COL18A1: variants seen among roughly 807,000 people sequenced by gnomAD.
The protein encoded by COL18A1 is collagen alpha-1(XVIII) chain.
In COL18A1, 133 loss-of-function variants were observed where a neutral mutation model predicts 168.0. That is an observed-to-expected ratio of 0.79 (90% CI 0.69 to 0.91). COL18A1 has a LOEUF of 0.91. Among genes scored for constraint, COL18A1 ranks in the 40% least tolerant of loss-of-function variants. The pLI is 0.00. For synonymous variants in COL18A1, 949 were observed against 809.0 expected, an observed-to-expected ratio of 1.17 and a Z score of -2.94; for missense variants, 2,126 against 1,925.4, an observed-to-expected ratio of 1.10 and a Z score of -1.95.
At chr21:45,479,542 C>T (rs1051704256) in intron 9 of COL18A1, among the ~76,000 whole-genome samples, 4 of 150,544 alleles carry the variant, frequency 2.7e-5, no homozygotes, top group Non-Finnish European at 4.4e-5. Context: ...CACACTCACA[C>T]ATCACACATA....
Position 45,490,630 on chromosome 21 carries a change from A to G in COL18A1, c.2032-206A>G, listed in dbSNP as rs1406228562. Reference sequence around the variant, plus strand: ...TCCCTGGGCCTTCGTGTGCCCTCCCAGGTCTCTGGGCCTCCGTGTGCCCAC... The same window carrying G: ...TCCCTGGGCCTTCGTGTGCCCTCCCGGGTCTCTGGGCCTCCGTGTGCCCAC... On this transcript the variant is annotated intron_variant, in intron 20 of 41. Coordinates refer to ENST00000651438, the MANE Select transcript of COL18A1 (RefSeq NM_001379500.1). Among the ~76,000 whole-genome samples, 497 of 129,014 alleles carry G rather than the reference A, an allele frequency of 3.9e-3. 5 individuals are homozygous for G. The highest frequency in any genetic ancestry group is 0.013 in the African/African-American group (440 of 34,040). 84.6% of individuals were successfully genotyped at this position (129,014 alleles called of 152,430 possible).
intron 2 of COL18A1, among the ~76,000 whole-genome samples, chr21:45,412,275 T>C (rs1003485494): frequency 1.5e-4 from 22 of 150,058 alleles, no homozygotes; most frequent in African/African-American, 5.4e-4. Flanking sequence ...CTGGCTCTGT[T>C]GCCCAGGCTG....
chr21:45,492,920 G>A (rs564299606), intron 24 of COL18A1, among the ~76,000 whole-genome samples: 19 of 152,366 alleles, frequency 1.2e-4, no homozygotes, highest in African/African-American at 4.6e-4. Flanking sequence ...TGAGGGTGAG[G>A]CAGCTCCTTG....
chr21:45,475,922 C>T (rs1031005656), intron 5 of COL18A1, among the ~76,000 whole-genome samples: 2 of 152,240 alleles, frequency 1.3e-5, no homozygotes, highest in African/African-American at 4.8e-5. Flanking sequence ...GCGCAGGGAG[C>T]GCGCGGAAGG....
At position 45,512,173 on chromosome 21, in the gene COL18A1, C is replaced by G; in HGVS notation, c.3810-15C>G. ...GCAGGTCTGGGTTTGACTGACGGCC[C>G]GGCGCGTCTTACAGGCCCCAGAAGA... On this transcript the variant is annotated splice_polypyrimidine_tract_variant and intron_variant, in intron 41 of 41. Transcript: ENST00000651438. 6.2e-7 allele frequency: 1 copy of G among 1,607,094 alleles called. No homozygotes were observed. Among genetic ancestry groups the G allele is most frequent in the Non-Finnish European group, 8.5e-7 (1 of 1,177,376 alleles).
Position 45,437,740 on chromosome 21 carries a change from T to A in COL18A1, c.107-30502T>A, listed in dbSNP as rs1366762596. Among the ~76,000 whole-genome samples, 58 of 12,778 alleles carry A rather than the reference T, an allele frequency of 4.5e-3. 4 individuals are homozygous for A. Among genetic ancestry groups the A allele is most frequent in the South Asian group, 0.01 (5 of 490 alleles). 8.4% of individuals were successfully genotyped at this position (12,778 alleles called of 152,430 possible). A position where few individuals can be genotyped will look rare whatever the true frequency, so the allele number is the denominator to read the frequency against. The stretch of plus-strand genomic sequence containing the variant: ...CAGGCACTCTCCTGCACACACACAC[T>A]CACACACTCAGACACAGGCACTCTC... On this transcript the variant is annotated intron_variant, in intron 2 of 41. Coordinates refer to ENST00000651438, the MANE Select transcript of COL18A1 (RefSeq NM_001379500.1).
In COL18A1 at chr21:45,475,460, T is replaced by G. The variant is rs1250409877; in HGVS notation, c.739-16T>G. 6.3e-7 allele frequency: 1 copy of G among 1,590,112 alleles called. No homozygotes were observed. Among genetic ancestry groups the G allele is most frequent in the Admixed American group, 1.8e-5 (1 of 56,388 alleles). On this transcript the variant is annotated splice_polypyrimidine_tract_variant and intron_variant, in intron 4 of 41. Transcript: ENST00000651438. ...GGCTGCCATCTCTCCAGCCTTTCCC[T>G]TTTCAAACTCCTCAGGCATCCGGAG...
At chr21:45,490,382 G>T (rs770513519) in intron 20 of COL18A1, 36 bp downstream of exon 20, 26 of 1,498,426 alleles carry the variant, frequency 1.7e-5, no homozygotes, top group Non-Finnish European at 2.2e-5. Flanking sequence ...TGCAGGGGGG[G>T]CGTGGAGCCC....
Position 45,509,501 on chromosome 21 carries a change from A to G in COL18A1, c.3395A>G (p.Gln1132Arg). The stretch of plus-strand genomic sequence containing the variant: ...AGCCCCCCTCGCCTGCCCGAGCCCC[A>G]GCCCTACCCCGGAGCCCCGCACCAC... ...LASPPRLPEP[Q>R]PYPGAPHHSS... The change falls in exon 39 of 42, where the codon CAG (glutamine) becomes CGG (arginine). Residue 1132 changes from glutamine (Q) to arginine (R), a missense_variant. Physicochemically the swap from Gln to Arg is conservative, Grantham distance 43. Coordinates refer to ENST00000651438, the MANE Select transcript of COL18A1 (RefSeq NM_001379500.1). The G allele has an allele frequency of 2.0e-6, 3 of 1,528,256 alleles. No individual in the cohort carries two copies. Among genetic ancestry groups the G allele is most frequent in the Non-Finnish European group, 2.6e-6 (3 of 1,135,194 alleles). 94.7% of individuals were successfully genotyped at this position (1,528,256 alleles called of 1,614,324 possible).
chr21:45,502,000 C>T lies in COL18A1; in HGVS notation c.2684-2011C>T, dbSNP rs11702378. 2.6e-4 allele frequency among the ~76,000 whole-genome samples: 19 copies of T among 72,818 alleles called. 1 individual carries two copies. The highest frequency in any genetic ancestry group is 4.5e-4 in the Admixed American group (3 of 6,618). 47.8% of individuals were successfully genotyped at this position (72,818 alleles called of 152,430 possible). On this transcript the variant is annotated intron_variant, in intron 32 of 41. Coordinates refer to ENST00000651438, the MANE Select transcript of COL18A1 (RefSeq NM_001379500.1). ...CTCTGCAGAAGGACCCTCAGGGGCT[C>T]CACAGCCGGTCACCTCCCTCTGCAG... is the stretch of plus-strand genomic sequence containing the variant.
At chr21:45,491,165 T>C (rs781187328) in intron 21 of COL18A1, 60 bp from the exon 22 acceptor site, 63 of 1,441,236 alleles carry the variant, frequency 4.4e-5, no homozygotes, top group Non-Finnish European at 5.7e-5. Context: ...CTGGGTGGAC[T>C]CTGGGGTCCT....
rs1012480222 is a variant in COL18A1 at position 45,496,477 on chromosome 21, A to C, written c.2509-23A>C. 5.2e-5 allele frequency: 59 copies of C among 1,136,628 alleles called. 1 individual carries two copies. The Admixed American group carries it at 8.2e-4, about 16-fold the overall frequency. 70.4% of individuals were successfully genotyped at this position (1,136,628 alleles called of 1,614,324 possible). A position where few individuals can be genotyped will look rare whatever the true frequency, so the allele number is the denominator to read the frequency against. ...GCCTGACAGGCAGGCCATAAGCCTA[A>C]CAGCTCTCTGCCCTCCCCACAGGGA... On this transcript the variant is annotated intron_variant, in intron 29 of 41. Transcript: ENST00000651438.
chr21:45,469,528 C>T (rs1020097721), intron 3 of COL18A1, among the ~76,000 whole-genome samples: 11 of 152,232 alleles, frequency 7.2e-5, no homozygotes, highest in Admixed American at 3.3e-4. Flanking sequence ...CCTGAGTCTC[C>T]GGGAAGTCCC....
chr21:45,476,302 C>T (rs562399558), intron 5 of COL18A1, 49 bp from the exon 6 acceptor site: 35 of 1,612,422 alleles, frequency 2.2e-5, no homozygotes, highest in East Asian at 6.7e-5. Context: ...AAGTCTCCAC[C>T]GGGCATCTGC....
intron 3 of COL18A1, among the ~76,000 whole-genome samples, chr21:45,470,543 A>G (rs1275379208): frequency 1.4e-5 from 2 of 144,470 alleles, no homozygotes; most frequent in African/African-American, 2.6e-5. Flanking sequence ...CTGGAGTGCA[A>G]TGGGGTGATC....
intron 2 of COL18A1, chr21:45,455,367 A>C: frequency 2.0e-6 from 2 of 983,362 alleles, no homozygotes. Context: ...CCTTGATTCC[A>C]AGGCTGGTGC....
chr21:45,501,682 A>G (rs2036836703), intron 32 of COL18A1, among the ~76,000 whole-genome samples: 1 of 148,284 alleles, frequency 6.7e-6, no homozygotes, highest in Non-Finnish European at 1.5e-5. Flanking sequence ...CCTCTGCAGA[A>G]GGACCCCCAG....
intron 2 of COL18A1, among the ~76,000 whole-genome samples, chr21:45,462,736 G>A (rs2035086135): frequency 6.6e-6 from 1 of 152,154 alleles, no homozygotes; most frequent in African/African-American, 2.4e-5. Flanking sequence ...TCTGCCATCA[G>A]GTCTTTTGCA....
chr21:45,452,968 G>A (rs963097903), intron 2 of COL18A1, among the ~76,000 whole-genome samples: 3 of 151,964 alleles, frequency 2.0e-5, no homozygotes, highest in Admixed American at 6.5e-5. Context: ...GTGACCTTGT[G>A]TATGCATGAG....
Sources: gnomAD v4.1 joint callset for allele counts (sites outside exome capture counted in the v4.1 genomes callset) on GRCh38, gnomAD v4.1.1 for gene constraint, MANE v1.5 for transcripts, NCBI Gene and HGNC (gene_info 2026-07-23, HGNC 2026-07-21) for gene names.